Variants in SLC35F1 observed in about 807,000 individuals in gnomAD.
SLC35F1 encodes the protein solute carrier family 35 member F1, also known as chromosome 6 open reading frame 169.
SLC35F1 carries 14 observed loss-of-function variants against 48.7 expected under a neutral mutation model. The ratio of observed to expected loss-of-function variants is 0.29; its 90% CI spans 0.19 to 0.45. The LOEUF (loss-of-function observed/expected upper bound fraction) is 0.45. Ranked by LOEUF, SLC35F1 falls within the 20% of genes least tolerant of loss-of-function variation. The probability of loss-of-function intolerance (pLI) is 1.00; values close to 1 mark genes in which losing one functional copy is unlikely to be tolerated. For missense variants in SLC35F1, 404 were observed against 500.0 expected (o/e 0.81, Z 1.83); for synonymous variants, 190 against 202.2 (o/e 0.94, Z 0.51).
intron 1 of SLC35F1, among the ~76,000 whole-genome samples, chr6:117,918,034 A>T (rs960191213): frequency 6.6e-5 from 10 of 152,174 alleles, no homozygotes; most frequent in Admixed American, 1.3e-4. Context: ...TGAGGAAAGG[A>T]CAGATAAATG....
At position 118,122,531 on chromosome 6, in the gene SLC35F1, T is replaced by C. The variant is rs1317408818; in HGVS notation, c.174-31914T>C. Among the ~76,000 whole-genome samples the C allele has an allele frequency of 2.0e-5, 3 of 152,362 alleles. No individual in the cohort carries two copies. In the East Asian group the frequency reaches 5.8e-4, roughly 29 times the overall value. ...CCCAGCAATGGGAATCTGGAAAAGC[T>C]TGGAAAATGAGATGTGCATGATAAA... is the stretch of plus-strand genomic sequence containing the variant. On this transcript the variant is annotated intron_variant, in intron 1 of 7. Transcript: ENST00000360388.
intron 4 of SLC35F1, among the ~76,000 whole-genome samples, chr6:118,270,109 T>G (rs2114624555): frequency 6.6e-6 from 1 of 152,328 alleles, no homozygotes; most frequent in African/African-American, 2.4e-5. Context: ...TCATCCTTTT[T>G]ATAATGCTTA....
chr6:118,035,982 G>A (rs373277768), intron 1 of SLC35F1, among the ~76,000 whole-genome samples: 7 of 152,058 alleles, frequency 4.6e-5, no homozygotes, highest in African/African-American at 4.8e-5. Flanking sequence ...GTGAGCCACC[G>A]CACCCAGACA....
chr6:118,295,821 G>A (rs914066759), intron 7 of SLC35F1, among the ~76,000 whole-genome samples: 1 of 152,124 alleles, frequency 6.6e-6, no homozygotes, highest in African/African-American at 2.4e-5. Context: ...ACTTTTTAAA[G>A]TATTGCTAGT....
intron 1 of SLC35F1, among the ~76,000 whole-genome samples, chr6:118,147,049 G>T (rs983763889): frequency 1.6e-4 from 24 of 152,098 alleles, no homozygotes; most frequent in Non-Finnish European, 2.5e-4. Context: ...GCATACAATC[G>T]CAAGGAGCAG....
chr6:118,308,423 G>C (rs1417593291), intron 7 of SLC35F1, among the ~76,000 whole-genome samples: 1 of 152,160 alleles, frequency 6.6e-6, no homozygotes, highest in Non-Finnish European at 1.5e-5. Flanking sequence ...TAACAGACCA[G>C]TCGCTCTACA....
chr6:118,279,145 G>C (rs954453769), intron 6 of SLC35F1, among the ~76,000 whole-genome samples: 3 of 152,152 alleles, frequency 2.0e-5, no homozygotes, highest in African/African-American at 7.2e-5. Flanking sequence ...AAAATAGCTA[G>C]AAGAGATTTA....
At chr6:118,039,817 T>TTTTTTTTTTC (rs1772187698) in intron 1 of SLC35F1, among the ~76,000 whole-genome samples, 2 of 150,460 alleles carry the variant, frequency 1.3e-5, no homozygotes, top group Non-Finnish European at 3.0e-5. Context: ...TGTTTTTTTT[T>TTTTTTTTTTC]TTTGCTTCAG....
rs1775711382 is a variant in SLC35F1, at chr6:118,261,482, TTTAAA to T, written c.478-5507_478-5503del. 2.6e-5 allele frequency among the ~76,000 whole-genome samples: 4 copies of T among 152,196 alleles called. No individual in the cohort carries two copies. In the South Asian group the frequency reaches 8.3e-4, roughly 32 times the overall value. ...GTCAACACATTTTCTTTGTAGAAAA[TTTAAA>T]TTAAAGTGCACAGTGTCAGAGTAAC... On this transcript the variant is annotated intron_variant, in intron 3 of 7. Transcript: ENST00000360388.
At chr6:118,179,770 A>T (rs115639258) in intron 2 of SLC35F1, among the ~76,000 whole-genome samples, 1 of 152,122 alleles carries the variant, frequency 6.6e-6, no homozygotes, top group Middle Eastern at 3.4e-3. Context: ...AAGTTACAGG[A>T]ATTTGTGGAG....
intron 2 of SLC35F1, among the ~76,000 whole-genome samples, chr6:118,169,252 T>C (rs1774364628): frequency 2.0e-5 from 3 of 152,194 alleles, no homozygotes; most frequent in Admixed American, 2.0e-4. Flanking sequence ...TGTGTCCTAT[T>C]AATCTTATAC....
At chr6:118,278,026 G>A (rs1318777384) in intron 6 of SLC35F1, among the ~76,000 whole-genome samples, 1 of 152,240 alleles carries the variant, frequency 6.6e-6, no homozygotes, top group Non-Finnish European at 1.5e-5. Flanking sequence ...CAGTTTGCAC[G>A]AAAGAAATGG....
chr6:118,311,426 C>T (rs889075949), intron 7 of SLC35F1, among the ~76,000 whole-genome samples: 1 of 152,146 alleles, frequency 6.6e-6, no homozygotes, highest in East Asian at 1.9e-4. Flanking sequence ...TAGATGTCTA[C>T]ATGGTGCCAG....
chr6:117,933,864 G>A (rs953277921), intron 1 of SLC35F1, among the ~76,000 whole-genome samples: 1 of 152,156 alleles, frequency 6.6e-6, no homozygotes, highest in South Asian at 2.1e-4. Context: ...TGAGAACGTA[G>A]AGCTCAGTGC....
intron 1 of SLC35F1, among the ~76,000 whole-genome samples, chr6:118,085,585 C>T (rs1772977778): frequency 7.1e-6 from 1 of 140,484 alleles, no homozygotes; most frequent in Admixed American, 7.7e-5. Context: ...GCAACCTTCA[C>T]CTCTAGCCTC....
chr6:118,160,958 A>G (rs551150619), intron 2 of SLC35F1, among the ~76,000 whole-genome samples: 7 of 150,928 alleles, frequency 4.6e-5, no homozygotes, highest in Non-Finnish European at 8.8e-5. Context: ...ATTAAGAGGT[A>G]ATTGTTGTTT....
At chr6:117,999,333 G>A (rs941431849) in intron 1 of SLC35F1, 113 of 1,595,094 alleles carry the variant, frequency 7.1e-5, no homozygotes, top group East Asian at 3.1e-4. Flanking sequence ...AGGCTGTGCC[G>A]GCCAAAGGCC....
At chr6:118,196,991 T>C (rs1240742243) in intron 2 of SLC35F1, among the ~76,000 whole-genome samples, 1 of 151,592 alleles carries the variant, frequency 6.6e-6, no homozygotes. Context: ...TGTTAAAAAT[T>C]ACTTGACCAT....
chr6:118,131,357 A>G (rs1773709633), intron 1 of SLC35F1, among the ~76,000 whole-genome samples: 3 of 152,334 alleles, frequency 2.0e-5, no homozygotes, highest in South Asian at 4.1e-4. Context: ...AAGCATTTTT[A>G]TAACTCCACA....
Sources: allele counts gnomAD v4.1 joint callset (sites outside exome capture counted in the v4.1 genomes callset), GRCh38; gene constraint gnomAD v4.1.1; transcripts MANE v1.5; gene names NCBI Gene and HGNC (gene_info 2026-07-23, HGNC 2026-07-21).